TMEM178A: variants seen among roughly 807,000 people sequenced by gnomAD.
TMEM178A encodes the protein transmembrane protein 178A.
TMEM178A carries 12 observed loss-of-function variants against 29.1 expected under a neutral mutation model. The observed-to-expected ratio is 0.41, with a 90% CI of 0.26 to 0.67. TMEM178A has a LOEUF of 0.67. Among genes scored for constraint, TMEM178A ranks in the 30% least tolerant of loss-of-function variants. The pLI, the probability that TMEM178A is intolerant of heterozygous loss-of-function variation, is 0.29. For synonymous variants in TMEM178A, 210 were observed against 187.2 expected, an observed-to-expected ratio of 1.12 and a Z score of -0.99; for missense variants, 366 against 419.1, an observed-to-expected ratio of 0.87 and a Z score of 1.11.
At chr2:39,711,179 T>A (rs1185678735) in intron 3 of TMEM178A, among the ~76,000 whole-genome samples, 1 of 152,228 alleles carries the variant, frequency 6.6e-6, no homozygotes, top group African/African-American at 2.4e-5. Context: ...AAGACTCTTA[T>A]CTTCCAGCTT....
rs1670427229 is a variant in TMEM178A at position 39,671,989 on chromosome 2, A to T, written c.400+5615A>T. 3.3e-5 allele frequency among the ~76,000 whole-genome samples: 5 copies of T among 152,234 alleles called. No individual in the cohort carries two copies. The South Asian group carries it at 1.0e-3, about 32-fold the overall frequency. On this transcript the variant is annotated intron_variant, in intron 1 of 3. Transcript: ENST00000281961. ...CAATTCTGACATTAGGCACAGTATTAAATGAGCCCTTTTTGATTAAACAAC... is the reference window on the plus strand; with the variant it reads ...CAATTCTGACATTAGGCACAGTATTTAATGAGCCCTTTTTGATTAAACAAC...
In TMEM178A at chr2:39,707,068, T is replaced by G. The variant is rs1263925446; in HGVS notation, c.534T>G (p.Ala178=). The change falls in exon 3 of 4, where the codon GCT becomes GCG. Residue 178 remains alanine, a synonymous_variant. Coordinates refer to ENST00000281961, the MANE Select transcript of TMEM178A (RefSeq NM_152390.3). The part of the protein sequence containing the change: ...WHLLHLRRIT[A]GFLGMAVAVL... ...GATTAGATTTAAGAAGAATCACTGC[T>G]GGCTTCCTCGGCATGGCCGTAGCCG... The G allele has an allele frequency of 6.2e-7, 1 of 1,611,514 alleles. No individual in the cohort carries two copies. The highest frequency in any genetic ancestry group is 1.1e-5 in the South Asian group (1 of 90,462).
chr2:39,707,065 T>C lies in TMEM178A; in HGVS notation c.531T>C (p.Thr177=). 6.2e-7 allele frequency: 1 copy of C among 1,611,042 alleles called. No individual in the cohort carries two copies. Among genetic ancestry groups the C allele is most frequent in the South Asian group, 1.1e-5 (1 of 90,360 alleles). Reference sequence around the variant, plus strand: ...TGAGATTAGATTTAAGAAGAATCACTGCTGGCTTCCTCGGCATGGCCGTAG... The same window carrying C: ...TGAGATTAGATTTAAGAAGAATCACCGCTGGCTTCCTCGGCATGGCCGTAG... ...EWHLLHLRRI[T]AGFLGMAVAV... The change falls in exon 3 of 4, where the codon ACT becomes ACC. Residue 177 remains threonine (T), a synonymous_variant. Transcript: ENST00000281961.
intron 1 of TMEM178A, among the ~76,000 whole-genome samples, chr2:39,681,100 A>G (rs1410504438): frequency 1.3e-5 from 2 of 152,194 alleles, no homozygotes; most frequent in Non-Finnish European, 2.9e-5. Flanking sequence ...TGAACATGAC[A>G]TGACTTTCTG....
chr2:39,677,543 G>A (rs1670681820), intron 1 of TMEM178A, among the ~76,000 whole-genome samples: 1 of 151,986 alleles, frequency 6.6e-6, no homozygotes, highest in African/African-American at 2.4e-5. Flanking sequence ...TGTCTGTATT[G>A]GGCTTTCATT....
the TMEM178A span, among the ~76,000 whole-genome samples, chr2:39,729,176 G>A: frequency 6.6e-6 from 1 of 152,188 alleles, no homozygotes; most frequent in East Asian, 1.9e-4. Flanking sequence ...CATACAACAA[G>A]ATGGTAGTTT....
intron 3 of TMEM178A, among the ~76,000 whole-genome samples, chr2:39,711,032 G>A (rs1287649911): frequency 6.6e-6 from 1 of 152,188 alleles, no homozygotes; most frequent in East Asian, 1.9e-4. Context: ...CTTCCCTAGG[G>A]CCATGCAAGG....
rs748658913 is a variant in TMEM178A at position 39,707,031 on chromosome 2, T to C, written c.515-18T>C. The stretch of plus-strand genomic sequence containing the variant: ...CCTGAATTCTGATTGTGAATGTCTG[T>C]GTCTGTTTTGAGATTAGATTTAAGA... On this transcript the variant is annotated intron_variant, in intron 2 of 3. Coordinates refer to ENST00000281961, the MANE Select transcript of TMEM178A (RefSeq NM_152390.3). The C allele has an allele frequency of 6.3e-7, 1 of 1,590,810 alleles. No individual in the cohort carries two copies. Among genetic ancestry groups the C allele is most frequent in the East Asian group, 2.2e-5 (1 of 44,716 alleles).
At chr2:39,674,427 C>T (rs921798754) in intron 1 of TMEM178A, among the ~76,000 whole-genome samples, 3 of 152,150 alleles carry the variant, frequency 2.0e-5, no homozygotes, top group African/African-American at 7.2e-5. Context: ...GAAAACCAAA[C>T]GTTGTATGTT....
chr2:39,671,695 G>A (rs994126959), intron 1 of TMEM178A, among the ~76,000 whole-genome samples: 3 of 152,100 alleles, frequency 2.0e-5, no homozygotes, highest in Admixed American at 6.5e-5. Flanking sequence ...AGCAAATTTC[G>A]AAGGGATGTG....
intron 1 of TMEM178A, among the ~76,000 whole-genome samples, chr2:39,684,830 T>A (rs1169199571): frequency 1.3e-5 from 2 of 152,216 alleles, no homozygotes; most frequent in East Asian, 3.9e-4. Context: ...CCCTGTCCCC[T>A]ACACCTTCGC....
At chr2:39,705,475 C>T (rs2148104909) in intron 2 of TMEM178A, among the ~76,000 whole-genome samples, 1 of 152,334 alleles carries the variant, frequency 6.6e-6, no homozygotes. Context: ...TTCCCCTGCT[C>T]AGATGTGGCT....
chr2:39,686,812 G>A (rs1019655399), intron 1 of TMEM178A, among the ~76,000 whole-genome samples: 5 of 152,158 alleles, frequency 3.3e-5, no homozygotes, highest in Non-Finnish European at 7.4e-5. Flanking sequence ...GCTGATTTAA[G>A]GGATGCTTAG....
chr2:39,669,217 C>T (rs550014681), intron 1 of TMEM178A, among the ~76,000 whole-genome samples: 4 of 152,258 alleles, frequency 2.6e-5, no homozygotes, highest in South Asian at 4.1e-4. Flanking sequence ...AAGATGTCAG[C>T]ATTTTCTTCT....
chr2:39,687,363 T>TTCTATCTC (rs1426624372), intron 1 of TMEM178A: 18 of 166,914 alleles, frequency 1.1e-4, no homozygotes, highest in Admixed American at 4.6e-4. Context: ...ATAGAGAGAT[T>TTCTATCTC]TCTGTCTGGA....
chr2:39,705,868 C>T (rs1453184408), intron 2 of TMEM178A, among the ~76,000 whole-genome samples: 2 of 152,162 alleles, frequency 1.3e-5, no homozygotes, highest in African/African-American at 2.4e-5. Context: ...GGATGATCCA[C>T]GTGCATTTGC....
upstream of TMEM178A, chr2:39,665,664 G>C (rs1320870605): frequency 1.1e-3 from 328 of 295,458 alleles, 2 homozygotes; most frequent in African/African-American, 7.5e-3. Flanking sequence ...CGAGAGGAGT[G>C]CGCGGGGTGG....
intron 1 of TMEM178A, among the ~76,000 whole-genome samples, chr2:39,667,705 G>A (rs1242005576): frequency 2.0e-5 from 3 of 152,132 alleles, no homozygotes; most frequent in Non-Finnish European, 4.4e-5. Flanking sequence ...ACTCAGCTGG[G>A]GACTGCCATC....
chr2:39,669,146 G>A (rs1295553426), intron 1 of TMEM178A, among the ~76,000 whole-genome samples: 1 of 152,108 alleles, frequency 6.6e-6, no homozygotes, highest in Non-Finnish European at 1.5e-5. Context: ...TGGGAGAGTG[G>A]GGAGGGGTGG....
Sources: gnomAD v4.1 joint callset for allele counts (sites outside exome capture counted in the v4.1 genomes callset) on GRCh38, gnomAD v4.1.1 for gene constraint, MANE v1.5 for transcripts, NCBI Gene and HGNC (gene_info 2026-07-23, HGNC 2026-07-21) for gene names.